Variants in LHFPL3 observed in about 807,000 individuals in gnomAD.
LHFPL3 encodes the protein LHFPL tetraspan subfamily member 3, also known as LHFPL tetraspan subfamily member 3 protein.
A neutral mutation model predicts 19.3 loss-of-function variants in LHFPL3; 5 were observed. The ratio of observed to expected loss-of-function variants is 0.26; its 90% confidence interval spans 0.14 to 0.54. The LOEUF (loss-of-function observed/expected upper bound fraction) is 0.54, where lower values mean the gene tolerates loss of function less well. LHFPL3 is among the 20% of genes least tolerant of loss of function. LHFPL3 has a pLI of 0.94. For synonymous variants in LHFPL3, 133 were observed against 126.2 expected (o/e 1.05, Z -0.36); for missense variants, 249 against 307.4 (o/e 0.81, Z 1.42).
chr7:104,333,541 G>A (rs1042306797), intron 1 of LHFPL3, among the ~76,000 whole-genome samples: 2 of 152,196 alleles, frequency 1.3e-5, no homozygotes, highest in Non-Finnish European at 2.9e-5. Flanking sequence ...ATGGCAAGGG[G>A]TAAGGGTTGA....
At chr7:104,867,889 T>G (rs554755069) in intron 2 of LHFPL3, among the ~76,000 whole-genome samples, 116 of 152,222 alleles carry the variant, frequency 7.6e-4, no homozygotes, top group African/African-American at 2.7e-3. Context: ...CATGATCGAG[T>G]GGGCTTCATC....
At chr7:104,710,486 G>A (rs188070179) in intron 1 of LHFPL3, among the ~76,000 whole-genome samples, 1 of 152,246 alleles carries the variant, frequency 6.6e-6, no homozygotes. Flanking sequence ...TTTACTGTCA[G>A]AGGAAAGCTC....
Position 104,559,442 on chromosome 7 carries a change from A to T in LHFPL3, c.446-177233A>T, listed in dbSNP as rs1789935863. 1.3e-5 allele frequency among the ~76,000 whole-genome samples: 2 copies of T among 149,332 alleles called. 1 individual carries two copies. The highest frequency in any genetic ancestry group is 5.0e-5 in the African/African-American group (2 of 39,854). On this transcript the variant is annotated intron_variant, in intron 1 of 2. Coordinates refer to ENST00000424859, the MANE Select transcript of LHFPL3 (RefSeq NM_199000.3). ...TAGGTATTTTATTCTCTTTGAAGCA[A>T]TTGTGAATGGGAGATCACTCATGAT...
intron 1 of LHFPL3, among the ~76,000 whole-genome samples, chr7:104,501,861 TA>T (rs1263823914): frequency 6.6e-6 from 1 of 152,248 alleles, no homozygotes; most frequent in Non-Finnish European, 1.5e-5. Context: ...AGCAGTAGCA[TA>T]GCTGATTTGG....
intron 1 of LHFPL3, among the ~76,000 whole-genome samples, chr7:104,411,932 G>A (rs1161496804): frequency 6.6e-6 from 1 of 152,130 alleles, no homozygotes; most frequent in Non-Finnish European, 1.5e-5. Context: ...TCAAAAGGTA[G>A]GACTAAAGTT....
Position 104,736,983 on chromosome 7 carries a change from C to G in LHFPL3, c.682+72C>G, listed in dbSNP as rs77788635. The G allele has an allele frequency of 9.9e-3, 11,828 of 1,195,604 alleles. 153 individuals are homozygous for G. Among genetic ancestry groups the G allele is most frequent in the East Asian group, 0.045 (1,746 of 39,206 alleles). The allele number at this position is 1,195,604 out of a possible 1,614,324, so 74.1% of individuals were successfully genotyped here. On this transcript the variant is annotated intron_variant, in intron 2 of 2. Transcript: ENST00000424859. ...AAAATGGTGCTCTCCATTCTTTCCC[C>G]TCAAATACTAGTGCTTCCCCTGAGG...
chr7:104,622,823 C>A (rs1468177022), intron 1 of LHFPL3, among the ~76,000 whole-genome samples: 1 of 152,044 alleles, frequency 6.6e-6, no homozygotes, highest in Non-Finnish European at 1.5e-5. Context: ...GGGTATATAC[C>A]TAGGAGTGGG....
chr7:104,776,556 C>T (rs1359418251), intron 2 of LHFPL3, among the ~76,000 whole-genome samples: 2 of 152,210 alleles, frequency 1.3e-5, no homozygotes, highest in East Asian at 1.9e-4. Context: ...GTTTCTGATT[C>T]TGCAGGTCTG....
At chr7:104,647,854 G>A (rs1202162907) in intron 1 of LHFPL3, among the ~76,000 whole-genome samples, 1 of 152,180 alleles carries the variant, frequency 6.6e-6, no homozygotes, top group African/African-American at 2.4e-5. Flanking sequence ...GACTCCTGCT[G>A]ACAATTCGTT....
At chr7:104,499,663 C>T (rs145374759) in intron 1 of LHFPL3, among the ~76,000 whole-genome samples, 457 of 152,290 alleles carry the variant, frequency 3.0e-3, no homozygotes, top group Non-Finnish European at 4.5e-3. Flanking sequence ...GACCTAGTGA[C>T]GAGTAATAAG....
intron 2 of LHFPL3, 86 bp from the exon 3 acceptor site, chr7:104,906,101 T>C (rs759637644): frequency 1.0e-5 from 13 of 1,282,572 alleles, no homozygotes; most frequent in Non-Finnish European, 1.4e-5. Flanking sequence ...TGACAAATAT[T>C]ATGCACAAAA....
chr7:104,465,091 A>G (rs1792751554), intron 1 of LHFPL3, among the ~76,000 whole-genome samples: 1 of 152,130 alleles, frequency 6.6e-6, no homozygotes, highest in South Asian at 2.1e-4. Flanking sequence ...GCAAAATGCC[A>G]CCAGTCTTTT....
chr7:104,347,816 C>T (rs527775897), intron 1 of LHFPL3, among the ~76,000 whole-genome samples: 7 of 151,406 alleles, frequency 4.6e-5, no homozygotes, highest in Non-Finnish European at 1.0e-4. Context: ...CTCTTGAACC[C>T]GGGAGGCAGA....
At chr7:104,726,646 T>C (rs905816062) in intron 1 of LHFPL3, among the ~76,000 whole-genome samples, 3 of 152,174 alleles carry the variant, frequency 2.0e-5, no homozygotes, top group African/African-American at 7.2e-5. Flanking sequence ...TCCATGTCCC[T>C]GCAAAAGACA....
At chr7:104,758,198 G>A (rs1794317388) in intron 2 of LHFPL3, among the ~76,000 whole-genome samples, 1 of 152,114 alleles carries the variant, frequency 6.6e-6, no homozygotes. Context: ...CCTGGAGGAG[G>A]GAAAGAAGTG....
At chr7:104,571,896 A>C (rs2115991243) in intron 1 of LHFPL3, among the ~76,000 whole-genome samples, 1 of 152,224 alleles carries the variant, frequency 6.6e-6, no homozygotes, top group Admixed American at 6.5e-5. Context: ...ATCTTTCTAA[A>C]CTTTATGTAA....
Position 104,834,825 on chromosome 7 carries a change from C to T in LHFPL3, c.683-71362C>T, listed in dbSNP as rs11980066. Reference sequence around the variant, plus strand: ...GGATTCCTTTAATAGTACTCTATAGCACTGAGAAGTTTGTTCATCTCAATT... The same window carrying T: ...GGATTCCTTTAATAGTACTCTATAGTACTGAGAAGTTTGTTCATCTCAATT... On this transcript the variant is annotated intron_variant, in intron 2 of 2. Coordinates refer to ENST00000424859, the MANE Select transcript of LHFPL3 (RefSeq NM_199000.3). Among the ~76,000 whole-genome samples, 1,010 of 152,066 alleles carry T rather than the reference C, an allele frequency of 6.6e-3. 22 individuals carry two copies. The highest frequency in any genetic ancestry group is 0.023 in the African/African-American group (953 of 41,364).
intron 1 of LHFPL3, among the ~76,000 whole-genome samples, chr7:104,471,896 T>C (rs1394505127): frequency 6.6e-6 from 1 of 152,194 alleles, no homozygotes; most frequent in Non-Finnish European, 1.5e-5. Flanking sequence ...TAAAAATTTC[T>C]GCCACATGCA....
intron 1 of LHFPL3, among the ~76,000 whole-genome samples, chr7:104,468,135 G>A (rs144597271): frequency 1.2e-3 from 179 of 152,316 alleles, no homozygotes; most frequent in African/African-American, 3.8e-3. Context: ...AACTGCCACT[G>A]CTGCAACCCG....
Sources: allele counts gnomAD v4.1 joint callset (sites outside exome capture counted in the v4.1 genomes callset), GRCh38; gene constraint gnomAD v4.1.1; transcripts MANE v1.5; gene names NCBI Gene and HGNC (gene_info 2026-07-23, HGNC 2026-07-21).